Variants in CSMD1 observed in about 807,000 individuals in gnomAD.
CSMD1 encodes the protein CUB and Sushi multiple domains 1, also known as CUB and sushi domain-containing protein 1.
CSMD1 carries 213 observed loss-of-function variants against 417.5 expected under a neutral mutation model. That is an observed-to-expected ratio of 0.51 (90% CI 0.46 to 0.57). CSMD1 has a LOEUF of 0.57. Among genes scored for constraint, CSMD1 ranks in the 20% least tolerant of loss-of-function variants. CSMD1 has a pLI of 0.00. For missense variants in CSMD1, 6,923 were observed against 4,529.7 expected (o/e 1.53, Z -15.17); for synonymous variants, 2,862 against 1,736.8 (o/e 1.65, Z -16.11).
At chr8:4,014,783 C>G (rs1011883542) in intron 4 of CSMD1, among the ~76,000 whole-genome samples, 2 of 152,166 alleles carry the variant, frequency 1.3e-5, no homozygotes, top group Non-Finnish European at 2.9e-5. Flanking sequence ...TGGATTCATT[C>G]TGGCACTAGA....
At chr8:4,637,279 C>G (rs1396214667) in intron 2 of CSMD1, 63 bp downstream of exon 2, 32 of 1,357,618 alleles carry the variant, frequency 2.4e-5, no homozygotes, top group Middle Eastern at 4.0e-4. Flanking sequence ...AATATTCCAA[C>G]TAGATTTCAT....
chr8:3,055,960 C>A (rs748976597), intron 49 of CSMD1, among the ~76,000 whole-genome samples: 2 of 152,168 alleles, frequency 1.3e-5, no homozygotes, highest in African/African-American at 4.8e-5. Context: ...TTACAAAATG[C>A]GAGCCCTCTG....
intron 3 of CSMD1, among the ~76,000 whole-genome samples, chr8:4,352,017 T>C (rs896028272): frequency 6.6e-6 from 1 of 150,642 alleles, no homozygotes; most frequent in African/African-American, 2.5e-5. Flanking sequence ...ACTAATGCAA[T>C]GCTGATCGTT....
intron 42 of CSMD1, among the ~76,000 whole-genome samples, chr8:3,116,221 C>T (rs1011654470): frequency 1.3e-5 from 2 of 151,966 alleles, no homozygotes; most frequent in African/African-American, 2.4e-5. Context: ...TTATATAGGT[C>T]CTCTAATTGT....
intron 5 of CSMD1, among the ~76,000 whole-genome samples, chr8:3,879,968 T>C (rs147955844): frequency 1.3e-5 from 2 of 152,264 alleles, no homozygotes; most frequent in African/African-American, 4.8e-5. Context: ...TGGGTTAGAA[T>C]TGTATTAAGA....
chr8:3,393,416 C>A (rs538786612), intron 17 of CSMD1, among the ~76,000 whole-genome samples: 60 of 152,296 alleles, frequency 3.9e-4, no homozygotes, highest in African/African-American at 1.4e-3. Flanking sequence ...ACAATTATCA[C>A]TGTATAAACA....
chr8:3,593,029 A>G (rs1360768594), intron 8 of CSMD1, among the ~76,000 whole-genome samples: 1 of 152,214 alleles, frequency 6.6e-6, no homozygotes, highest in East Asian at 1.9e-4. Context: ...GGATATAGGC[A>G]GGAGAGGCTG....
intron 1 of CSMD1, among the ~76,000 whole-genome samples, chr8:4,808,626 A>C (rs1308504794): frequency 6.6e-6 from 1 of 152,228 alleles, no homozygotes; most frequent in Admixed American, 6.5e-5. Flanking sequence ...AATAGAACAC[A>C]GCCAGCAATC....
At chr8:4,400,842 T>G (rs1394205918) in intron 3 of CSMD1, among the ~76,000 whole-genome samples, 3 of 152,076 alleles carry the variant, frequency 2.0e-5, no homozygotes, top group Non-Finnish European at 4.4e-5. Flanking sequence ...GAAGAACATT[T>G]TTTATTTAAT....
chr8:4,757,192 A>G (rs182155885), intron 1 of CSMD1, among the ~76,000 whole-genome samples: 9 of 152,352 alleles, frequency 5.9e-5, no homozygotes, highest in Admixed American at 5.9e-4. Flanking sequence ...TACTTTATCA[A>G]TATTAGTTTA....
chr8:4,335,892 G>A (rs1321404977), intron 3 of CSMD1, among the ~76,000 whole-genome samples: 2 of 151,984 alleles, frequency 1.3e-5, no homozygotes, highest in Admixed American at 6.6e-5. Flanking sequence ...GAACCTCCAG[G>A]GCTTCCTGCA....
intron 2 of CSMD1, among the ~76,000 whole-genome samples, chr8:4,439,862 T>C (rs1331851974): frequency 6.6e-6 from 1 of 152,184 alleles, no homozygotes; most frequent in Admixed American, 6.5e-5. Flanking sequence ...AAAGATAGGA[T>C]GGTGTAATGA....
At chr8:3,229,603 T>A (rs1174632396) in intron 27 of CSMD1, among the ~76,000 whole-genome samples, 1 of 152,198 alleles carries the variant, frequency 6.6e-6, no homozygotes, top group Non-Finnish European at 1.5e-5. Flanking sequence ...TTTTCAGAAT[T>A]CTATTTTAAA....
chr8:4,620,977 G>C (rs997446371), intron 2 of CSMD1, among the ~76,000 whole-genome samples: 17 of 151,774 alleles, frequency 1.1e-4, no homozygotes, highest in Admixed American at 1.3e-4. Context: ...GCAAACTCTT[G>C]GCTAGAAAGA....
In CSMD1 at chr8:3,750,380, T is replaced by C. The variant is rs2623724; in HGVS notation, c.931+3550A>G. Among the ~76,000 whole-genome samples, 629 of 150,754 alleles carry C rather than the reference T, an allele frequency of 4.2e-3. 20 individuals carry two copies. The East Asian group carries it at 0.079, about 19-fold the overall frequency. The stretch of plus-strand genomic sequence containing the variant: ...ATTCAGGTTAAATATACGATATATA[T>C]GATTCAAGTTGTTTGACAACATTTG... On this transcript the variant is annotated intron_variant, in intron 6 of 69. Transcript: ENST00000635120.
intron 10 of CSMD1, among the ~76,000 whole-genome samples, chr8:3,533,979 T>C (rs1798086726): frequency 6.6e-6 from 1 of 152,190 alleles, no homozygotes. Context: ...AAATTTTGTT[T>C]TGGCAATATT....
intron 7 of CSMD1, among the ~76,000 whole-genome samples, chr8:3,682,929 A>T (rs905758159): frequency 1.1e-4 from 16 of 152,164 alleles, no homozygotes; most frequent in Non-Finnish European, 1.8e-4. Context: ...ATTCTCAGCA[A>T]ACTATCTATC....
chr8:4,034,207 T>C lies in CSMD1; in HGVS notation c.416-2108A>G, dbSNP rs536262410. ...GGAATCATCTATTTCTAAAAGTATT[T>C]TTATTTATCATGATATTACTTAAGT... On this transcript the variant is annotated intron_variant, in intron 3 of 69. Transcript: ENST00000635120. Among the ~76,000 whole-genome samples, 24 of 152,128 alleles carry C rather than the reference T, an allele frequency of 1.6e-4. 1 individual carries two copies. The South Asian group carries it at 3.7e-3, about 24-fold the overall frequency.
At chr8:4,396,474 T>C (rs1016154563) in intron 3 of CSMD1, among the ~76,000 whole-genome samples, 1 of 152,136 alleles carries the variant, frequency 6.6e-6, no homozygotes, top group Non-Finnish European at 1.5e-5. Flanking sequence ...AGTCTCACTC[T>C]GCAATGGGAA....
Sources: allele counts gnomAD v4.1 joint callset (sites outside exome capture counted in the v4.1 genomes callset), GRCh38; gene constraint gnomAD v4.1.1; transcripts MANE v1.5; gene names NCBI Gene and HGNC (gene_info 2026-07-23, HGNC 2026-07-21).